PPP3CA: variants seen among roughly 807,000 people sequenced by gnomAD.
PPP3CA encodes CAM-PRP catalytic subunit.
In PPP3CA, 14 loss-of-function variants were observed where a neutral mutation model predicts 66.5. That is an observed-to-expected ratio of 0.21 (90% confidence interval 0.14 to 0.33). PPP3CA has a LOEUF of 0.33. Among genes scored for constraint, PPP3CA ranks in the 10% least tolerant of loss-of-function variants. The probability of loss-of-function intolerance (pLI) is 1.00; values close to 1 mark genes in which losing one functional copy is unlikely to be tolerated. For missense variants in PPP3CA, 317 were observed against 639.5 expected (o/e 0.50, Z 5.44); for synonymous variants, 232 against 226.2 (o/e 1.03, Z -0.23).
At chr4:101,215,662 A>C (rs2110208889) in intron 1 of PPP3CA, among the ~76,000 whole-genome samples, 1 of 152,180 alleles carries the variant, frequency 6.6e-6, no homozygotes, top group East Asian at 1.9e-4. Flanking sequence ...GACCATTCTA[A>C]TCCTAATGTC....
intron 1 of PPP3CA, among the ~76,000 whole-genome samples, chr4:101,327,892 A>G (rs1729255141): frequency 6.6e-6 from 1 of 152,228 alleles, no homozygotes; most frequent in Non-Finnish European, 1.5e-5. Context: ...AACGTTACTC[A>G]AATTTTTCAT....
intron 2 of PPP3CA, among the ~76,000 whole-genome samples, chr4:101,131,358 G>A (rs765895782): frequency 9.1e-4 from 137 of 150,862 alleles, no homozygotes; most frequent in Non-Finnish European, 1.7e-3. Flanking sequence ...CCCATCTCAT[G>A]TGCAAAGACA....
intron 2 of PPP3CA, among the ~76,000 whole-genome samples, chr4:101,158,476 T>C (rs1213182491): frequency 6.6e-6 from 1 of 152,204 alleles, no homozygotes; most frequent in Non-Finnish European, 1.5e-5. Context: ...TTGTTGAGGT[T>C]CAAATGAAGA....
At chr4:101,254,804 A>G (rs566642443) in intron 1 of PPP3CA, among the ~76,000 whole-genome samples, 1 of 151,866 alleles carries the variant, frequency 6.6e-6, no homozygotes, top group Admixed American at 6.6e-5. Context: ...ATGATTGTCT[A>G]TAAATTGCTT....
At chr4:101,234,007 T>C (rs1726046762) in intron 1 of PPP3CA, among the ~76,000 whole-genome samples, 1 of 151,888 alleles carries the variant, frequency 6.6e-6, no homozygotes, top group South Asian at 2.1e-4. Context: ...TTTGGTTTTC[T>C]GTTCCCACTT....
chr4:101,204,050 G>T (rs1023230829), intron 1 of PPP3CA, among the ~76,000 whole-genome samples: 16 of 152,064 alleles, frequency 1.1e-4, no homozygotes, highest in Non-Finnish European at 1.6e-4. Context: ...GCTCACTGCA[G>T]CCTCAACCTC....
intron 1 of PPP3CA, among the ~76,000 whole-genome samples, chr4:101,276,553 T>C (rs188788766): frequency 6.6e-6 from 1 of 152,290 alleles, no homozygotes; most frequent in Non-Finnish European, 1.5e-5. Context: ...CCCCCCACAT[T>C]TGTCAGGCAG....
At chr4:101,033,912 G>A (rs890169364) in intron 11 of PPP3CA, among the ~76,000 whole-genome samples, 5 of 152,084 alleles carry the variant, frequency 3.3e-5, no homozygotes, top group Non-Finnish European at 5.9e-5. Flanking sequence ...CTCACCACCA[G>A]CATCACCTAC....
At position 101,342,106 on chromosome 4, in the gene PPP3CA, TAAAAC is replaced by T. The variant is rs1310069688; in HGVS notation, c.58+4628_58+4632del. ...TATTTCATCTCGCTAAAATTACAAA[TAAAAC>T]AAAGAGACAAATAGATTTTAAAAGG... On this transcript the variant is annotated intron_variant, in intron 1 of 13. Transcript: ENST00000394854. Among the ~76,000 whole-genome samples the T allele has an allele frequency of 2.6e-5, 4 of 152,074 alleles. No homozygotes were observed. The South Asian group carries it at 6.2e-4, about 24-fold the overall frequency.
chr4:101,195,887 A>T (rs1215376460), intron 2 of PPP3CA, 29 bp downstream of exon 2: 1 of 1,601,068 alleles, frequency 6.2e-7, no homozygotes, highest in South Asian at 1.1e-5. Context: ...TGTGTATACA[A>T]GTGGGCAACC....
chr4:101,027,571 C>T (rs562418619), intron 13 of PPP3CA, among the ~76,000 whole-genome samples: 106 of 152,216 alleles, frequency 7.0e-4, no homozygotes, highest in South Asian at 8.3e-4. Context: ...AATGAGCACC[C>T]ACCCTGAAAA....
intron 2 of PPP3CA, among the ~76,000 whole-genome samples, chr4:101,164,857 C>T (rs1008679038): frequency 4.6e-5 from 7 of 151,910 alleles, no homozygotes; most frequent in Admixed American, 2.0e-4. Context: ...CCTAATCCAC[C>T]AAAAAACTTA....
intron 2 of PPP3CA, among the ~76,000 whole-genome samples, chr4:101,146,117 T>C (rs1247467975): frequency 2.6e-5 from 4 of 152,230 alleles, no homozygotes; most frequent in African/African-American, 9.6e-5. Context: ...AGTTGGAATA[T>C]TCTCACCTAT....
At chr4:101,176,163 A>C (rs185376618) in intron 2 of PPP3CA, among the ~76,000 whole-genome samples, 3 of 152,296 alleles carry the variant, frequency 2.0e-5, no homozygotes, top group African/African-American at 7.2e-5. Context: ...CAGTACATTA[A>C]GGGATTGCTT....
chr4:101,097,213 CT>C (rs1034938141), intron 5 of PPP3CA, among the ~76,000 whole-genome samples: 5 of 152,044 alleles, frequency 3.3e-5, no homozygotes, highest in African/African-American at 1.2e-4. Flanking sequence ...AAATTCCAAT[CT>C]TTATAGTTCA....
intron 1 of PPP3CA, among the ~76,000 whole-genome samples, chr4:101,233,847 AC>A (rs1726041284): frequency 6.6e-6 from 1 of 151,588 alleles, no homozygotes; most frequent in South Asian, 2.1e-4. Flanking sequence ...GTTTGTTAAT[AC>A]TGTTTCATCA....
chr4:101,167,933 G>A (rs961312887), intron 2 of PPP3CA, among the ~76,000 whole-genome samples: 1 of 152,158 alleles, frequency 6.6e-6, no homozygotes, highest in Admixed American at 6.5e-5. Context: ...CCTTGGAGTT[G>A]AGGTAAAGCA....
At chr4:101,199,079 C>CA (rs1268918526) in intron 1 of PPP3CA, among the ~76,000 whole-genome samples, 2 of 152,070 alleles carry the variant, frequency 1.3e-5, no homozygotes, top group Non-Finnish European at 2.9e-5. Context: ...TTTTCTAGGA[C>CA]AAAAAATAAG....
intron 1 of PPP3CA, among the ~76,000 whole-genome samples, chr4:101,343,963 C>G (rs761833420): frequency 6.6e-6 from 1 of 152,006 alleles, no homozygotes; most frequent in African/African-American, 2.4e-5. Context: ...TAAGCAAATG[C>G]CATGGCATGC....
Sources: allele counts gnomAD v4.1 joint callset (sites outside exome capture counted in the v4.1 genomes callset), GRCh38; gene constraint gnomAD v4.1.1; transcripts MANE v1.5; gene names NCBI Gene and HGNC (gene_info 2026-07-23, HGNC 2026-07-21).